Variants in ZBTB20 observed in about 807,000 individuals in gnomAD.
ZBTB20 encodes the protein zinc finger and BTB domain-containing protein 20.
In ZBTB20, 9 loss-of-function variants were observed where a neutral mutation model predicts 56.9. The observed-to-expected ratio is 0.16, with a 90% CI of 0.10 to 0.28. The LOEUF (loss-of-function observed/expected upper bound fraction) is 0.28. ZBTB20 is among the 10% of genes least tolerant of loss of function. ZBTB20 has a pLI of 1.00. For missense variants in ZBTB20, 655 were observed against 1,003.0 expected (o/e 0.65, Z 4.69); for synonymous variants, 417 against 420.7 (o/e 0.99, Z 0.11).
chr3:114,602,607 AT>A (rs1314261076), intron 6 of ZBTB20, among the ~76,000 whole-genome samples: 2 of 151,904 alleles, frequency 1.3e-5, no homozygotes, highest in Non-Finnish European at 1.5e-5. Context: ...GAAAACAAGG[AT>A]TATTTGAATG....
intron 1 of ZBTB20, among the ~76,000 whole-genome samples, chr3:115,128,411 C>T (rs777031084): frequency 1.2e-4 from 19 of 152,112 alleles, no homozygotes; most frequent in Admixed American, 5.2e-4. Context: ...CACCTGTAAT[C>T]CCAACACTTT....
chr3:114,795,388 C>A (rs1030882496), intron 5 of ZBTB20, among the ~76,000 whole-genome samples: 5 of 152,104 alleles, frequency 3.3e-5, no homozygotes, highest in African/African-American at 1.2e-4. Context: ...TCTGGCATTT[C>A]TCTGACCACA....
intron 7 of ZBTB20, among the ~76,000 whole-genome samples, chr3:114,494,382 G>A (rs1021129241): frequency 6.6e-6 from 1 of 152,090 alleles, no homozygotes; most frequent in Non-Finnish European, 1.5e-5. Context: ...GACCAGATGT[G>A]GCTCTGGTTC....
chr3:114,596,411 C>T (rs759826910), intron 6 of ZBTB20, among the ~76,000 whole-genome samples: 31 of 152,058 alleles, frequency 2.0e-4, no homozygotes, highest in Admixed American at 7.2e-4. Flanking sequence ...TAATGGGAAA[C>T]ATGACATCAT....
intron 7 of ZBTB20, among the ~76,000 whole-genome samples, chr3:114,430,585 C>T (rs986489368): frequency 1.3e-5 from 2 of 152,146 alleles, no homozygotes; most frequent in Admixed American, 6.5e-5. Flanking sequence ...TGAGCATGAG[C>T]AAACTAACAT....
At chr3:114,722,021 T>C (rs2064954343) in intron 5 of ZBTB20, among the ~76,000 whole-genome samples, 1 of 152,212 alleles carries the variant, frequency 6.6e-6, no homozygotes, top group African/African-American at 2.4e-5. Flanking sequence ...GTTTCACTAA[T>C]GTATATCTGG....
At chr3:114,981,320 T>C (rs1354188526) in intron 2 of ZBTB20, among the ~76,000 whole-genome samples, 1 of 152,064 alleles carries the variant, frequency 6.6e-6, no homozygotes, top group African/African-American at 2.4e-5. Context: ...ATTTGTAACC[T>C]TTCTTCTAAA....
chr3:114,377,771 T>C (rs1303620040), intron 10 of ZBTB20, among the ~76,000 whole-genome samples: 2 of 152,164 alleles, frequency 1.3e-5, no homozygotes, highest in African/African-American at 4.8e-5. Flanking sequence ...CAAGCGAGTC[T>C]TCCATCTACC....
intron 7 of ZBTB20, among the ~76,000 whole-genome samples, chr3:114,418,345 C>T (rs2088795106): frequency 1.3e-5 from 2 of 152,018 alleles, no homozygotes; most frequent in Admixed American, 1.3e-4. Context: ...TTTCTTCTGA[C>T]ATTTGACCTG....
intron 3 of ZBTB20, among the ~76,000 whole-genome samples, chr3:114,947,091 T>A (rs1271744683): frequency 6.9e-6 from 1 of 144,012 alleles, no homozygotes; most frequent in Admixed American, 6.7e-5. Flanking sequence ...GAAATGTAAA[T>A]TAAAATCACG....
intron 6 of ZBTB20, among the ~76,000 whole-genome samples, chr3:114,664,511 A>G (rs189128161): frequency 6.6e-6 from 1 of 152,142 alleles, no homozygotes; most frequent in African/African-American, 2.4e-5. Context: ...GAAAGAAATA[A>G]AAGTATTTTT....
chr3:114,751,995 ATAG>A (rs2067600200), intron 5 of ZBTB20, among the ~76,000 whole-genome samples: 1 of 152,160 alleles, frequency 6.6e-6, no homozygotes, highest in South Asian at 2.1e-4. Context: ...AATAACTATA[ATAG>A]TAGTAATAAT....
At chr3:114,545,325 C>T (rs2049743063) in intron 6 of ZBTB20, among the ~76,000 whole-genome samples, 1 of 152,194 alleles carries the variant, frequency 6.6e-6, no homozygotes, top group African/African-American at 2.4e-5. Flanking sequence ...CCAGGACTTT[C>T]TGTCTCTCAT....
chr3:114,965,341 A>C (rs2077607247), intron 3 of ZBTB20, among the ~76,000 whole-genome samples: 1 of 152,152 alleles, frequency 6.6e-6, no homozygotes, highest in African/African-American at 2.4e-5. Flanking sequence ...AGCAATTTTT[A>C]AGTATAGAGT....
intron 7 of ZBTB20, among the ~76,000 whole-genome samples, chr3:114,440,773 G>T (rs2090864636): frequency 1.3e-5 from 2 of 152,152 alleles, no homozygotes; most frequent in African/African-American, 4.8e-5. Context: ...TGATACCATG[G>T]GAAGGAAGAG....
intron 6 of ZBTB20, among the ~76,000 whole-genome samples, chr3:114,518,126 G>T (rs2046229175): frequency 6.6e-6 from 1 of 152,170 alleles, no homozygotes; most frequent in Admixed American, 6.5e-5. Flanking sequence ...TGAAGATGTG[G>T]TGCCCGGACA....
intron 5 of ZBTB20, among the ~76,000 whole-genome samples, chr3:114,709,603 T>C (rs1355178769): frequency 6.6e-6 from 1 of 152,170 alleles, no homozygotes; most frequent in African/African-American, 2.4e-5. Flanking sequence ...GGGGCAAATG[T>C]TCTGGAATAG....
chr3:115,018,789 C>T lies in ZBTB20; in HGVS notation c.-506-44373G>A, dbSNP rs1270882390. On this transcript the variant is annotated intron_variant, in intron 2 of 11. Transcript: ENST00000675478. ...AGCATTAAAGTAAAATGAAAAGACA[C>T]CAGGGCAGTCTGCTTTAATAGCTTG... Among the ~76,000 whole-genome samples, 34 of 151,330 alleles carry T rather than the reference C, an allele frequency of 2.2e-4. No individual in the cohort carries two copies. In the Admixed American group the frequency reaches 2.2e-3, roughly 10 times the overall value.
At chr3:114,646,453 G>C (rs938282318) in intron 6 of ZBTB20, among the ~76,000 whole-genome samples, 1 of 152,176 alleles carries the variant, frequency 6.6e-6, no homozygotes, top group Non-Finnish European at 1.5e-5. Flanking sequence ...GCAGCAGTGA[G>C]TGAGAGAGAC....
Sources: allele counts gnomAD v4.1 joint callset (sites outside exome capture counted in the v4.1 genomes callset), GRCh38; gene constraint gnomAD v4.1.1; transcripts MANE v1.5; gene names NCBI Gene and HGNC (gene_info 2026-07-23, HGNC 2026-07-21).